ZBTB17: variants seen among roughly 807,000 people sequenced by gnomAD.
The protein encoded by ZBTB17 is zinc finger and BTB domain-containing protein 17.
ZBTB17 carries 24 observed loss-of-function variants against 85.1 expected under a neutral mutation model. The observed-to-expected ratio is 0.28, with a 90% CI of 0.20 to 0.40. The LOEUF is 0.40. ZBTB17 is among the 10% of genes least tolerant of loss of function. The probability of loss-of-function intolerance (pLI) is 1.00; values close to 1 mark genes in which losing one functional copy is unlikely to be tolerated. For missense variants in ZBTB17, 743 were observed against 1,105.1 expected, an observed-to-expected ratio of 0.67 and a Z score of 4.65; for synonymous variants, 464 against 460.2, an observed-to-expected ratio of 1.01 and a Z score of -0.11.
In ZBTB17 at chr1:15,944,852, C is replaced by G; in HGVS notation, c.928-13G>C. On this transcript the variant is annotated splice_polypyrimidine_tract_variant and intron_variant, in intron 7 of 15. Transcript: ENST00000375743. ...CCTTCCCACAGTCCTGTGGGTGCAGCGGGGAAGCGGGGTGTGAGGAGCAGC... is the reference window on the plus strand; with the variant it reads ...CCTTCCCACAGTCCTGTGGGTGCAGGGGGGAAGCGGGGTGTGAGGAGCAGC... 1 of 1,580,552 alleles carries G rather than the reference C, an allele frequency of 6.3e-7. No individual in the cohort carries two copies. Among genetic ancestry groups the G allele is most frequent in the Non-Finnish European group, 8.6e-7 (1 of 1,163,024 alleles).
chr1:15,958,726 T>A (rs2072142080), intron 2 of ZBTB17, among the ~76,000 whole-genome samples: 1 of 152,170 alleles, frequency 6.6e-6, no homozygotes, highest in Non-Finnish European at 1.5e-5. Context: ...AGCGCCAGCC[T>A]GGGACGACGT....
chr1:15,960,027 A>G (rs848195), intron 2 of ZBTB17, among the ~76,000 whole-genome samples: 89,654 of 152,056 alleles, frequency 0.59, 26,724 homozygotes, highest in Admixed American at 0.67. Flanking sequence ...CCCGAGCACC[A>G]CAGCTGGTGT....
chr1:15,945,859 G>A lies in ZBTB17; in HGVS notation c.536-19C>T, dbSNP rs370090086. On this transcript the variant is annotated intron_variant, in intron 5 of 15. Transcript: ENST00000375743. ...TCTGCACCTGGGTGGGGGAAGCACC[G>A]GAGGCTGGATTGCTACCCTCTGCCC... 91 of 1,583,868 alleles carry A rather than the reference G, an allele frequency of 5.7e-5. No individual in the cohort carries two copies. The highest frequency in any genetic ancestry group is 1.1e-4 in the East Asian group (5 of 44,616).
At chr1:15,974,077 G>C (rs1403308981) in intron 1 of ZBTB17, among the ~76,000 whole-genome samples, 1 of 151,946 alleles carries the variant, frequency 6.6e-6, no homozygotes, top group Non-Finnish European at 1.5e-5. Flanking sequence ...TGTAGTCCCA[G>C]CTAGTTGGGA....
At position 15,950,685 on chromosome 1, in the gene ZBTB17, G is replaced by A. The variant is rs965126800; in HGVS notation, c.-2-2188C>T. Among the ~76,000 whole-genome samples, 4 of 152,198 alleles carry A rather than the reference G, an allele frequency of 2.6e-5. No individual in the cohort carries two copies. In the South Asian group the frequency reaches 8.3e-4, roughly 31 times the overall value. On this transcript the variant is annotated intron_variant, in intron 2 of 15. Coordinates refer to ENST00000375743, the MANE Select transcript of ZBTB17 (RefSeq NM_003443.3). ...CCCCAGGAGCCAACCCGAAACTTGA[G>A]CCACCCAGGTGCTAAAACAACCTGG...
At chr1:15,975,845 A>T in intron 1 of ZBTB17, 138 bp downstream of exon 1, 1 of 109,036 alleles carries the variant, frequency 9.2e-6, no homozygotes, top group South Asian at 7.2e-5. Flanking sequence ...GTGTCCCCTC[A>T]GCCCCGGTTG....
At chr1:15,946,547 G>A (rs1439589349) in intron 4 of ZBTB17, among the ~76,000 whole-genome samples, 1 of 152,250 alleles carries the variant, frequency 6.6e-6, no homozygotes. Flanking sequence ...TGTGCACTAA[G>A]GGAGCTGATC....
At chr1:15,949,863 A>T (rs993229194) in intron 2 of ZBTB17, among the ~76,000 whole-genome samples, 1 of 152,190 alleles carries the variant, frequency 6.6e-6, no homozygotes, top group Non-Finnish European at 1.5e-5. Context: ...AAGTGGGGGT[A>T]TCTGCTGAGC....
chr1:15,943,265 G>A, intron 12 of ZBTB17, 71 bp from the exon 13 acceptor site: 1 of 1,610,824 alleles, frequency 6.2e-7, no homozygotes, highest in Admixed American at 1.7e-5. Flanking sequence ...CCTCTAGACT[G>A]AAAAGGACCC....
At position 15,942,661 on chromosome 1, in the gene ZBTB17, C is replaced by T. The variant is rs776380956; in HGVS notation, c.1906G>A (p.Val636Met). ...VDNLRSHVKT[V>M]HQGKAGIKIL... is the part of the protein sequence containing the mutation. The stretch of plus-strand genomic sequence containing the variant: ...TTGATGCCTGCCTTGCCCTGGTGCA[C>T]GGTCTTCACGTGGGAGCGCAGGTTG... The change falls in exon 14 of 16, where the codon GTG becomes ATG. Residue 636 changes from valine to methionine, a missense_variant. This residue lies in a region of ZBTB17 where 321 missense variants were observed against 615.7 expected (regional missense o/e 0.52). Transcript: ENST00000375743. The T allele has an allele frequency of 3.1e-6, 5 of 1,613,730 alleles. No individual in the cohort carries two copies. Among genetic ancestry groups the T allele is most frequent in the Non-Finnish European group, 4.2e-6 (5 of 1,180,028 alleles).
At chr1:15,942,488 C>CA in intron 14 of ZBTB17, 41 bp downstream of exon 14, 1 of 1,610,254 alleles carries the variant, frequency 6.2e-7, no homozygotes, top group East Asian at 2.2e-5. Context: ...ACCCTGGCAG[C>CA]AAGCTGCCTG....
chr1:15,963,329 G>C (rs969412991), intron 2 of ZBTB17, among the ~76,000 whole-genome samples: 1 of 152,188 alleles, frequency 6.6e-6, no homozygotes, highest in African/African-American at 2.4e-5. Context: ...GATTGGGAAT[G>C]ATAGTAAGAG....
chr1:15,969,595 G>A (rs2072567783), intron 2 of ZBTB17: 2 of 406,726 alleles, frequency 4.9e-6, no homozygotes, highest in Admixed American at 2.7e-5. Flanking sequence ...CTGCCTGCCT[G>A]GGCCTCGGAG....
At chr1:15,972,031 A>C (rs1325636653) in intron 2 of ZBTB17, among the ~76,000 whole-genome samples, 1 of 152,128 alleles carries the variant, frequency 6.6e-6, no homozygotes, top group African/African-American at 2.4e-5. Flanking sequence ...TACAGTGATC[A>C]GTCCAAAATG....
chr1:15,946,083 C>T, intron 5 of ZBTB17, 71 bp downstream of exon 5: 2 of 1,598,940 alleles, frequency 1.3e-6, no homozygotes, highest in Non-Finnish European at 1.7e-6. Context: ...CCAAGGCAGC[C>T]CTCACTACCC....
rs137984913 is a variant in ZBTB17 at position 15,942,565 on chromosome 1, C to T, written c.2002G>A (p.Glu668Lys). The T allele has an allele frequency of 9.9e-6, 16 of 1,611,878 alleles. No individual in the cohort carries two copies. Among genetic ancestry groups the T allele is most frequent in the African/African-American group, 5.3e-5 (4 of 74,946 alleles). ...GTGACGGCTGTCGCTGCCAGTGCCTCGGTAGCCAGCGTGACCATGTCATCC... is the reference window on the plus strand; with the variant it reads ...GTGACGGCTGTCGCTGCCAGTGCCTTGGTAGCCAGCGTGACCATGTCATCC... ...TVDDMVTLAT[E>K]ALAATAVTQL... Residue 668 changes from glutamate (E) to lysine (K), a missense_variant, in exon 14 of 16, where the codon GAG (glutamate) becomes AAG (lysine). Glu to Lys is a moderately conservative substitution (Grantham distance 56). Around this residue, in one of 4 missense-constraint regions of ZBTB17, gnomAD observed 321 missense variants for 615.7 expected, o/e 0.52. Transcript: ENST00000375743.
In ZBTB17 at chr1:15,944,664, G is replaced by T. The variant is rs112016746; in HGVS notation, c.1070+33C>A. The T allele has an allele frequency of 2.0e-5, 32 of 1,603,114 alleles. No individual in the cohort carries two copies. In the African/African-American group the frequency reaches 2.1e-4, roughly 11 times the overall value. On this transcript the variant is annotated intron_variant, in intron 8 of 15. Coordinates refer to ENST00000375743, the MANE Select transcript of ZBTB17 (RefSeq NM_003443.3). ...GGGCGTGAAAGGCCGGGCCTGGCAGGGGCCGGGGTAGGAGGCCGGCTTGGG... is the reference window on the plus strand; with the variant it reads ...GGGCGTGAAAGGCCGGGCCTGGCAGTGGCCGGGGTAGGAGGCCGGCTTGGG...
rs1353175018 is a variant in ZBTB17, at chr1:15,944,554, G to A, written c.1117C>T (p.Leu373Phe). 5 of 1,597,460 alleles carry A rather than the reference G, an allele frequency of 3.1e-6. No homozygotes were observed. Among genetic ancestry groups the A allele is most frequent in the Non-Finnish European group, 4.2e-6 (5 of 1,178,026 alleles). Residue 373 changes from leucine to phenylalanine, a missense_variant, in exon 9 of 16, where the codon CTC becomes TTC. Coordinates refer to ENST00000375743, the MANE Select transcript of ZBTB17 (RefSeq NM_003443.3). ...GCEECGKSYR[L>F]ISLLNLHKKR... ...TTGTGCAGGTTCAGCAGGCTGATGAGGCGGTAGCTCTTCCCGCACTCCTCG... is the reference window on the plus strand; with the variant it reads ...TTGTGCAGGTTCAGCAGGCTGATGAAGCGGTAGCTCTTCCCGCACTCCTCG...
intron 2 of ZBTB17, among the ~76,000 whole-genome samples, chr1:15,962,576 C>T (rs1036451953): frequency 6.6e-6 from 1 of 152,170 alleles, no homozygotes; most frequent in African/African-American, 2.4e-5. Context: ...CTAGGTTGCA[C>T]AGCCCTGCCC....
Sources: allele counts gnomAD v4.1 joint callset (sites outside exome capture counted in the v4.1 genomes callset), GRCh38; gene constraint gnomAD v4.1.1; regional missense constraint gnomAD v4.1.1; transcripts MANE v1.5; gene names NCBI Gene and HGNC (gene_info 2026-07-23, HGNC 2026-07-21).